ATRNL1: variants seen among roughly 807,000 people sequenced by gnomAD.
The protein encoded by ATRNL1 is attractin like 1.
ATRNL1 carries 95 observed loss-of-function variants against 182.7 expected under a neutral mutation model. The ratio of observed to expected loss-of-function variants is 0.52; its 90% CI spans 0.44 to 0.62. The LOEUF is 0.62. Among genes scored for constraint, ATRNL1 ranks in the 20% least tolerant of loss-of-function variants. The pLI, the probability that ATRNL1 is intolerant of heterozygous loss-of-function variation, is 0.00. For missense variants in ATRNL1, 1,471 were observed against 1,679.5 expected, an observed-to-expected ratio of 0.88 and a Z score of 2.17; for synonymous variants, 576 against 568.3, an observed-to-expected ratio of 1.01 and a Z score of -0.19.
intron 27 of ATRNL1, among the ~76,000 whole-genome samples, chr10:115,843,557 G>A (rs1479995331): frequency 6.6e-6 from 1 of 152,030 alleles, no homozygotes; most frequent in Non-Finnish European, 1.5e-5. Context: ...GCCTTAGACA[G>A]TAGGAAGATT....
At position 115,593,462 on chromosome 10, in the gene ATRNL1, T is replaced by TG. The variant is rs782385330; in HGVS notation, c.3795+43928dup. On this transcript the variant is annotated intron_variant, in intron 26 of 28. Transcript: ENST00000355044. ...TGCACATTTATGGCTAACTGATCTT[T>TG]GGCAAAGGTGACAAGAACACACAAT... 5.9e-5 allele frequency among the ~76,000 whole-genome samples: 9 copies of TG among 152,314 alleles called. No individual in the cohort carries two copies. In the East Asian group the frequency reaches 1.7e-3, roughly 29 times the overall value.
chr10:115,252,499 C>A (rs1234699983), intron 10 of ATRNL1, among the ~76,000 whole-genome samples: 1 of 152,174 alleles, frequency 6.6e-6, no homozygotes, highest in Non-Finnish European at 1.5e-5. Flanking sequence ...GTAGCCTCTA[C>A]ATTGTGTTTA....
intron 1 of ATRNL1, among the ~76,000 whole-genome samples, chr10:115,107,640 C>T (rs2143495484): frequency 6.6e-6 from 1 of 152,320 alleles, no homozygotes. Flanking sequence ...AGGCATTGCT[C>T]TAGCAAGTAC....
chr10:115,825,332 A>G (rs1374002612), intron 27 of ATRNL1, among the ~76,000 whole-genome samples: 1 of 152,156 alleles, frequency 6.6e-6, no homozygotes, highest in African/African-American at 2.4e-5. Context: ...CCTAAAGTAG[A>G]TGACGGGTTG....
At chr10:115,576,879 G>T (rs1350608264) in intron 26 of ATRNL1, among the ~76,000 whole-genome samples, 2 of 151,816 alleles carry the variant, frequency 1.3e-5, no homozygotes, top group Non-Finnish European at 2.9e-5. Context: ...CTTGTGTTTA[G>T]GTCTTTAATT....
intron 27 of ATRNL1, among the ~76,000 whole-genome samples, chr10:115,822,209 T>C (rs1296124846): frequency 2.6e-5 from 4 of 152,012 alleles, no homozygotes; most frequent in African/African-American, 9.7e-5. Context: ...AAGGCAGAAA[T>C]AAATAAGTTC....
At chr10:115,427,087 C>A (rs1351807322) in intron 21 of ATRNL1, among the ~76,000 whole-genome samples, 2 of 152,166 alleles carry the variant, frequency 1.3e-5, no homozygotes, top group Non-Finnish European at 2.9e-5. Flanking sequence ...ATTTTACATT[C>A]CCACCAGCAG....
At chr10:115,381,237 T>C (rs575078789) in intron 19 of ATRNL1, among the ~76,000 whole-genome samples, 2 of 152,036 alleles carry the variant, frequency 1.3e-5, no homozygotes, top group East Asian at 3.9e-4. Context: ...TTTTTTTAGT[T>C]GGGTATTTAT....
At chr10:115,172,554 G>A (rs781910278) in intron 8 of ATRNL1, among the ~76,000 whole-genome samples, 3 of 151,770 alleles carry the variant, frequency 2.0e-5, no homozygotes, top group East Asian at 1.9e-4. Flanking sequence ...CCATTGTTAC[G>A]TTCTAGACCT....
chr10:115,236,404 T>C (rs556168773), intron 9 of ATRNL1, among the ~76,000 whole-genome samples: 26 of 152,314 alleles, frequency 1.7e-4, no homozygotes, highest in African/African-American at 6.0e-4. Flanking sequence ...TCTTTCACAT[T>C]TGTAAATCTC....
intron 26 of ATRNL1, among the ~76,000 whole-genome samples, chr10:115,649,283 A>G (rs1859831292): frequency 6.6e-6 from 1 of 152,158 alleles, no homozygotes; most frequent in African/African-American, 2.4e-5. Flanking sequence ...ATAAATGATT[A>G]CCTGTTTTAG....
At chr10:115,740,907 C>A (rs1184761483) in intron 27 of ATRNL1, among the ~76,000 whole-genome samples, 11 of 151,914 alleles carry the variant, frequency 7.2e-5, no homozygotes, top group Admixed American at 7.2e-4. Flanking sequence ...AGTTTAAGTG[C>A]AATTTTTTAT....
intron 26 of ATRNL1, among the ~76,000 whole-genome samples, chr10:115,626,026 T>G (rs1366989168): frequency 6.6e-6 from 1 of 152,172 alleles, no homozygotes; most frequent in Non-Finnish European, 1.5e-5. Context: ...TAATAATAAT[T>G]TGTACTACAT....
intron 5 of ATRNL1, among the ~76,000 whole-genome samples, chr10:115,152,511 GTGTT>G (rs1846286550): frequency 6.6e-6 from 1 of 151,984 alleles, no homozygotes. Context: ...ATTTGGCTCT[GTGTT>G]TGTCTATTAT....
chr10:115,403,892 T>C (rs1348637336), intron 20 of ATRNL1, among the ~76,000 whole-genome samples: 1 of 152,234 alleles, frequency 6.6e-6, no homozygotes, highest in African/African-American at 2.4e-5. Flanking sequence ...GGAACTCTTA[T>C]GCTTGCTTTA....
chr10:115,130,258 A>G (rs1845170877), intron 5 of ATRNL1, among the ~76,000 whole-genome samples: 1 of 152,118 alleles, frequency 6.6e-6, no homozygotes, highest in South Asian at 2.1e-4. Flanking sequence ...GTGCCAACAT[A>G]TTAATCCTGT....
chr10:115,728,060 GGT>G, intron 27 of ATRNL1, among the ~76,000 whole-genome samples: 1 of 148,108 alleles, frequency 6.8e-6, no homozygotes, highest in Admixed American at 6.8e-5. Flanking sequence ...CAGATCACGA[GGT>G]CAGGAGATCG....
rs1281408058 is a variant in ATRNL1, at chr10:115,945,126, T to G, written c.*347T>G. Reference sequence around the variant, plus strand: ...TATCCCAAGACTTGAAAGAAAGACATTTTTTAATGCCTGAATGATGAGAAT... The same window carrying G: ...TATCCCAAGACTTGAAAGAAAGACAGTTTTTAATGCCTGAATGATGAGAAT... On this transcript the variant is annotated 3_prime_UTR_variant, in exon 29 of 29. Transcript: ENST00000355044. 1 of 159,598 alleles carries G rather than the reference T, an allele frequency of 6.3e-6. No individual in the cohort carries two copies. The highest frequency in any genetic ancestry group is 1.4e-5 in the Non-Finnish European group (1 of 73,212). The allele number at this position is 159,598 out of a possible 1,614,324, so 9.9% of individuals were successfully genotyped here.
chr10:115,249,437 A>G (rs1221653906), intron 10 of ATRNL1, among the ~76,000 whole-genome samples: 2 of 152,122 alleles, frequency 1.3e-5, no homozygotes, highest in African/African-American at 4.8e-5. Flanking sequence ...TTCCACTTGC[A>G]TTTTTTAATG....
Sources: gnomAD v4.1 joint callset for allele counts (sites outside exome capture counted in the v4.1 genomes callset) on GRCh38, gnomAD v4.1.1 for gene constraint, MANE v1.5 for transcripts, NCBI Gene and HGNC (gene_info 2026-07-23, HGNC 2026-07-21) for gene names.